The following NDFIP2 variants were observed in gnomAD, a reference collection of about 807,000 sequenced individuals.
The protein encoded by NDFIP2 is Nedd4 family interacting protein 2.
NDFIP2 carries 19 observed loss-of-function variants against 36.0 expected under a neutral mutation model. The observed-to-expected ratio is 0.53, with a 90% CI of 0.37 to 0.77. The LOEUF (loss-of-function observed/expected upper bound fraction) is 0.77. Ranked by LOEUF, NDFIP2 falls within the 30% of genes least tolerant of loss-of-function variation. The probability of loss-of-function intolerance (pLI) is 0.00; values close to 1 mark genes in which losing one functional copy is unlikely to be tolerated. For synonymous variants in NDFIP2, 181 were observed against 167.7 expected, an observed-to-expected ratio of 1.08 and a Z score of -0.61; for missense variants, 446 against 435.8, an observed-to-expected ratio of 1.02 and a Z score of -0.21.
At chr13:79,488,582 C>G (rs1873107792) in intron 1 of NDFIP2, among the ~76,000 whole-genome samples, 2 of 152,188 alleles carry the variant, frequency 1.3e-5, no homozygotes, top group Admixed American at 6.5e-5. Flanking sequence ...TGCCCTTTGT[C>G]AGATTTATGC....
At chr13:79,507,024 A>G (rs943576551) in intron 1 of NDFIP2, among the ~76,000 whole-genome samples, 1 of 152,132 alleles carries the variant, frequency 6.6e-6, no homozygotes, top group South Asian at 2.1e-4. Context: ...TAGATGAGAT[A>G]TGAAATCCCT....
intron 7 of NDFIP2, 58 bp from the exon 8 acceptor site, chr13:79,552,458 A>G (rs1311737153): frequency 6.6e-6 from 1 of 151,884 alleles, no homozygotes; most frequent in African/African-American, 2.4e-5. Context: ...GTATTATACT[A>G]TGATTTAGAT....
intron 3 of NDFIP2, among the ~76,000 whole-genome samples, chr13:79,535,494 A>G (rs561225437): frequency 1.3e-5 from 2 of 152,330 alleles, no homozygotes; most frequent in South Asian, 2.1e-4. Flanking sequence ...GAACATGTCC[A>G]TAAAGAAAAG....
chr13:79,517,915 A>G (rs560175421), intron 1 of NDFIP2, among the ~76,000 whole-genome samples: 26 of 152,282 alleles, frequency 1.7e-4, no homozygotes, highest in African/African-American at 5.3e-4. Flanking sequence ...TTTCGTTTGT[A>G]AAGCTCGCTG....
chr13:79,481,590 C>T lies in NDFIP2; in HGVS notation c.321+66C>T, dbSNP rs1277615629. The T allele has an allele frequency of 1.1e-5, 16 of 1,474,372 alleles. No individual in the cohort carries two copies. The South Asian group carries it at 1.3e-4, about 12-fold the overall frequency. The allele number at this position is 1,474,372 out of a possible 1,614,324, so 91.3% of individuals were successfully genotyped here. A position where few individuals can be genotyped will look rare whatever the true frequency, so the allele number is the denominator to read the frequency against. On this transcript the variant is annotated intron_variant, in intron 1 of 7. Transcript: ENST00000218652. Reference sequence around the variant, plus strand: ...GCCGCGGCGTCCCGAGAGTCCCTTTCCTCAGGTTATTCCCGGAGGAAAAGC... The same window carrying T: ...GCCGCGGCGTCCCGAGAGTCCCTTTTCTCAGGTTATTCCCGGAGGAAAAGC...
chr13:79,551,250 C>T, intron 7 of NDFIP2, 128 bp downstream of exon 7: 1 of 441,098 alleles, frequency 2.3e-6, no homozygotes, highest in East Asian at 3.5e-5. Flanking sequence ...TTTAATACTG[C>T]TAACAGTCAG....
At chr13:79,546,283 G>C (rs934710719) in intron 5 of NDFIP2, among the ~76,000 whole-genome samples, 1 of 151,976 alleles carries the variant, frequency 6.6e-6, no homozygotes, top group African/African-American at 2.4e-5. Context: ...GATGAACCTC[G>C]GATTTTGTGT....
rs191971096 is a variant in NDFIP2, at chr13:79,489,921, C to T, written c.321+8397C>T. 1.6e-4 allele frequency among the ~76,000 whole-genome samples: 25 copies of T among 152,238 alleles called. No individual in the cohort carries two copies. The East Asian group carries it at 3.5e-3, about 21-fold the overall frequency. ...CTACATGATTTGCAAGGTCTAATGC[C>T]GAATGAAAATGTGGGGCCCTGGCCT... On this transcript the variant is annotated intron_variant, in intron 1 of 7. Transcript: ENST00000218652.
intron 2 of NDFIP2, among the ~76,000 whole-genome samples, chr13:79,525,149 T>C (rs1295561261): frequency 6.6e-6 from 1 of 152,232 alleles, no homozygotes; most frequent in African/African-American, 2.4e-5. Context: ...GCTCAGTGTC[T>C]CTGGTTTCAG....
intron 5 of NDFIP2, among the ~76,000 whole-genome samples, chr13:79,545,800 C>T (rs954915685): frequency 8.6e-5 from 13 of 152,044 alleles, no homozygotes; most frequent in African/African-American, 2.7e-4. Context: ...GCAGTGGTGC[C>T]ATCTTGGCTC....
At chr13:79,543,803 AAATCCTATACTT>A (rs1242392560) in intron 5 of NDFIP2, 121 bp downstream of exon 5, 2 of 1,244,354 alleles carry the variant, frequency 1.6e-6, no homozygotes, top group African/African-American at 3.0e-5. Context: ...GCTTATTCTT[AAATCCTATACTT>A]AATCATTATA....
Position 79,555,926 on chromosome 13 carries a change from T to G in NDFIP2, c.*3413T>G, listed in dbSNP as rs1052271524. On this transcript the variant is annotated 3_prime_UTR_variant, in exon 8 of 8. Coordinates refer to ENST00000218652, the MANE Select transcript of NDFIP2 (RefSeq NM_019080.3). Reference sequence around the variant, plus strand: ...ATGACTGTGACCTCACTAAACTGTTTATGTGACAAACCTTTCAAGATTGGA... The same window carrying G: ...ATGACTGTGACCTCACTAAACTGTTGATGTGACAAACCTTTCAAGATTGGA... 1 of 152,198 alleles carries G rather than the reference T, an allele frequency of 6.6e-6. No homozygotes were observed. The highest frequency in any genetic ancestry group is 1.5e-5 in the Non-Finnish European group (1 of 68,014). The allele number at this position is 152,198 out of a possible 1,614,324, so 9.4% of individuals were successfully genotyped here. A position where few individuals can be genotyped will look rare whatever the true frequency, so the allele number is the denominator to read the frequency against.
At chr13:79,508,770 C>T (rs1213292688) in intron 1 of NDFIP2, among the ~76,000 whole-genome samples, 1 of 152,198 alleles carries the variant, frequency 6.6e-6, no homozygotes, top group Non-Finnish European at 1.5e-5. Flanking sequence ...CAGTAGGTCT[C>T]AGTCTCATTT....
chr13:79,481,193 T>C lies in NDFIP2; in HGVS notation c.-11T>C, dbSNP rs775112833. 8.0e-6 allele frequency: 12 copies of C among 1,500,232 alleles called. No homozygotes were observed. The highest frequency in any genetic ancestry group is 4.4e-5 in the Admixed American group (2 of 45,228). The allele number at this position is 1,500,232 out of a possible 1,614,324, so 92.9% of individuals were successfully genotyped here. ...CTCCCACCCAGCTATACCCTCCCAC[T>C]GGCGGCGCGGATGGCACGCCGGCGG... is the stretch of plus-strand genomic sequence containing the variant. On this transcript the variant is annotated 5_prime_UTR_variant, in exon 1 of 8. Transcript: ENST00000218652.
chr13:79,491,375 T>G (rs1321936683), intron 1 of NDFIP2, among the ~76,000 whole-genome samples: 1 of 152,182 alleles, frequency 6.6e-6, no homozygotes, highest in Non-Finnish European at 1.5e-5. Flanking sequence ...GGTGGTTGTT[T>G]CTTTGCATTC....
At chr13:79,525,425 T>C (rs973496631) in intron 2 of NDFIP2, among the ~76,000 whole-genome samples, 4 of 152,214 alleles carry the variant, frequency 2.6e-5, no homozygotes, top group African/African-American at 7.2e-5. Flanking sequence ...AGCCTACGTT[T>C]TTTTTCTTTA....
At chr13:79,505,585 TGCAAC>T (rs2140749072) in intron 1 of NDFIP2, among the ~76,000 whole-genome samples, 1 of 150,912 alleles carries the variant, frequency 6.6e-6, no homozygotes, top group Admixed American at 6.6e-5. Flanking sequence ...AGCTAGATTG[TGCAAC>T]TGCACTCCAG....
rs140905114 is a variant in NDFIP2 at position 79,492,776 on chromosome 13, A to G, written c.321+11252A>G. Among the ~76,000 whole-genome samples, 208 of 152,258 alleles carry G rather than the reference A, an allele frequency of 1.4e-3. 1 individual carries two copies. The highest frequency in any genetic ancestry group is 4.8e-3 in the African/African-American group (199 of 41,552). ...TCATCCCTGCCTACGTTGTTACTGCATTGCATACTTTGGCCATGTTTTAAA... is the reference window on the plus strand; with the variant it reads ...TCATCCCTGCCTACGTTGTTACTGCGTTGCATACTTTGGCCATGTTTTAAA... On this transcript the variant is annotated intron_variant, in intron 1 of 7. Transcript: ENST00000218652.
intron 1 of NDFIP2, among the ~76,000 whole-genome samples, chr13:79,512,598 G>C (rs796300391): frequency 2.6e-4 from 40 of 152,334 alleles, no homozygotes; most frequent in African/African-American, 9.6e-4. Context: ...GGCAGGGTCT[G>C]ATTGGAGAGC....
Sources: gnomAD v4.1 joint callset for allele counts (sites outside exome capture counted in the v4.1 genomes callset) on GRCh38, gnomAD v4.1.1 for gene constraint, MANE v1.5 for transcripts, NCBI Gene and HGNC (gene_info 2026-07-23, HGNC 2026-07-21) for gene names.